The following IGSF9B variants were observed in gnomAD, a reference collection of about 807,000 sequenced individuals.
IGSF9B encodes the protein protein turtle homolog B.
Under a neutral mutation model 143.7 loss-of-function variants are expected in IGSF9B, and 48 were observed. The observed-to-expected ratio is 0.33, with a 90% CI of 0.26 to 0.42. The LOEUF (loss-of-function observed/expected upper bound fraction) is 0.42, where lower values mean the gene tolerates loss of function less well. Ranked by LOEUF, IGSF9B falls within the 20% of genes least tolerant of loss-of-function variation. The pLI, the probability that IGSF9B is intolerant of heterozygous loss-of-function variation, is 1.00. For synonymous variants in IGSF9B, 903 were observed against 833.1 expected (o/e 1.08, Z -1.44); for missense variants, 1,706 against 1,980.0 (o/e 0.86, Z 2.63).
chr11:133,929,154 G>A (rs1443335310), intron 12 of IGSF9B, among the ~76,000 whole-genome samples: 2 of 152,120 alleles, frequency 1.3e-5, no homozygotes, highest in Non-Finnish European at 2.9e-5. Context: ...AATGTTTGAG[G>A]GGTGGATACC....
intron 1 of IGSF9B, among the ~76,000 whole-genome samples, chr11:133,954,206 C>G (rs1940211401): frequency 1.3e-5 from 2 of 152,204 alleles, no homozygotes; most frequent in South Asian, 4.1e-4. Flanking sequence ...CCCGCTCTCT[C>G]CAGAGGCTGT....
chr11:133,936,878 C>T (rs1222729739), intron 5 of IGSF9B, among the ~76,000 whole-genome samples: 2 of 152,216 alleles, frequency 1.3e-5, no homozygotes, highest in Admixed American at 6.5e-5. Flanking sequence ...GTTCCTGGCC[C>T]CTCTCTGGGG....
intron 18 of IGSF9B, among the ~76,000 whole-genome samples, chr11:133,919,400 C>T (rs1403027973): frequency 2.0e-5 from 3 of 152,186 alleles, no homozygotes; most frequent in African/African-American, 4.8e-5. Flanking sequence ...CGCAGGGACT[C>T]GGAGAGCCGT....
chr11:133,926,552 A>T (rs1211957075), intron 13 of IGSF9B, among the ~76,000 whole-genome samples: 1 of 152,266 alleles, frequency 6.6e-6, no homozygotes, highest in African/African-American at 2.4e-5. Context: ...AGCGGGAGGC[A>T]GCCACATGCC....
rs1394425307 is a variant in IGSF9B, at chr11:133,945,437, C to A, written c.262+624G>T. On this transcript the variant is annotated intron_variant, in intron 2 of 19. Coordinates refer to ENST00000533871, the MANE Select transcript of IGSF9B (RefSeq NM_001277285.4). This position sits in a 1 kb window ranked among gnomAD's most constrained non-coding sequence, Gnocchi z 4.6. ...GCCTGCTTCCTCCCTTCCTTTCAAC[C>A]CCAACAACGCTCGCTCAATGACACG... Among the ~76,000 whole-genome samples the A allele has an allele frequency of 1.3e-5, 2 of 152,156 alleles. No homozygotes were observed. The highest frequency in any genetic ancestry group is 2.4e-5 in the African/African-American group (1 of 41,442).
chr11:133,925,101 A>T (rs1939600843), intron 14 of IGSF9B, among the ~76,000 whole-genome samples, 197 bp from the exon 15 acceptor site: 1 of 152,212 alleles, frequency 6.6e-6, no homozygotes, highest in Admixed American at 6.5e-5. Context: ...GCTGACTTCA[A>T]GCTACGAACG....
At position 133,897,990 on chromosome 11, in the gene IGSF9B, G is replaced by A. The variant is rs1939048047; in HGVS notation, c.*11079C>T. 6.6e-6 allele frequency: 1 copy of A among 152,152 alleles called. No individual in the cohort carries two copies. Among genetic ancestry groups the A allele is most frequent in the Non-Finnish European group, 1.5e-5 (1 of 68,064 alleles). 9.4% of individuals were successfully genotyped at this position (152,152 alleles called of 1,614,324 possible). On this transcript the variant is annotated 3_prime_UTR_variant, in exon 20 of 20. Coordinates refer to ENST00000533871, the MANE Select transcript of IGSF9B (RefSeq NM_001277285.4). ...TAAGTCACCCACCCCAAACCCCTAG[G>A]GAAAAATCAGAAAGAAGACAAAATA... is the stretch of plus-strand genomic sequence containing the variant.
rs1939186768 is a variant in IGSF9B at position 133,904,641 on chromosome 11, G to A, written c.*4428C>T. Among the ~76,000 whole-genome samples, 1 of 151,912 alleles carries A rather than the reference G, an allele frequency of 6.6e-6. No homozygotes were observed. Among genetic ancestry groups the A allele is most frequent in the Admixed American group, 6.5e-5 (1 of 15,276 alleles). ...CGTCATCTTGGGATGATCCCCCAGTGTGTACCCTGCACCCTTACAAGTAAC... is the reference window on the plus strand; with the variant it reads ...CGTCATCTTGGGATGATCCCCCAGTATGTACCCTGCACCCTTACAAGTAAC... On this transcript the variant is annotated 3_prime_UTR_variant, in exon 20 of 20. Transcript: ENST00000533871.
rs1324268301 is a variant in IGSF9B, at chr11:133,913,365, T to A, written c.3984-1358A>T. Reference sequence around the variant, plus strand: ...TAAGAGGGATAGGAAGCCTGCAGTCTCTTCTCCCCAGCATCAAATATGTTG... The same window carrying A: ...TAAGAGGGATAGGAAGCCTGCAGTCACTTCTCCCCAGCATCAAATATGTTG... On this transcript the variant is annotated intron_variant, in intron 18 of 19. Coordinates refer to ENST00000533871, the MANE Select transcript of IGSF9B (RefSeq NM_001277285.4). The surrounding 1 kb of genome is among the most constrained non-coding windows in gnomAD (Gnocchi z 4.6). 6.6e-6 allele frequency among the ~76,000 whole-genome samples: 1 copy of A among 152,066 alleles called. No homozygotes were observed. The highest frequency in any genetic ancestry group is 1.5e-5 in the Non-Finnish European group (1 of 68,002).
chr11:133,918,627 G>A (rs1939441909), intron 18 of IGSF9B, among the ~76,000 whole-genome samples: 1 of 152,140 alleles, frequency 6.6e-6, no homozygotes, highest in African/African-American at 2.4e-5. Context: ...GCGGGTGGGA[G>A]GTGACCTTGG....
chr11:133,902,857 T>C lies in IGSF9B; in HGVS notation c.*6212A>G, dbSNP rs1939160461. Among the ~76,000 whole-genome samples the C allele has an allele frequency of 6.6e-6, 1 of 152,160 alleles. No individual in the cohort carries two copies. Among genetic ancestry groups the C allele is most frequent in the African/African-American group, 2.4e-5 (1 of 41,432 alleles). On this transcript the variant is annotated 3_prime_UTR_variant, in exon 20 of 20. Transcript: ENST00000533871. Reference sequence around the variant, plus strand: ...TCCCTCCACCAGAAATACAGCTTCATAGACCACTATGCCAAAAGGAGGCCA... The same window carrying C: ...TCCCTCCACCAGAAATACAGCTTCACAGACCACTATGCCAAAAGGAGGCCA...
At chr11:133,912,339 G>C in intron 18 of IGSF9B, 1 of 497,806 alleles carries the variant, frequency 2.0e-6, no homozygotes, top group Non-Finnish European at 3.9e-6. Flanking sequence ...GTCAGAGACA[G>C]AAGTAGGCTG....
At chr11:133,921,954 C>T (rs1287591579) in intron 17 of IGSF9B, among the ~76,000 whole-genome samples, 1 of 152,142 alleles carries the variant, frequency 6.6e-6, no homozygotes, top group African/African-American at 2.4e-5. Context: ...TCTGCACTGC[C>T]ACTCCCTCTA....
intron 1 of IGSF9B, among the ~76,000 whole-genome samples, chr11:133,951,513 C>T (rs1940158741): frequency 6.6e-6 from 1 of 152,258 alleles, no homozygotes; most frequent in Non-Finnish European, 1.5e-5. Flanking sequence ...CTCGGCTGGG[C>T]TCCCCCAGCA....
intron 15 of IGSF9B, among the ~76,000 whole-genome samples, chr11:133,923,679 G>A (rs992336339): frequency 1.3e-5 from 2 of 152,254 alleles, no homozygotes; most frequent in Non-Finnish European, 2.9e-5. Context: ...TTGTCTGAGG[G>A]GAAAATGAAA....
rs1376533660 is a variant in IGSF9B, at chr11:133,922,261, G to A, written c.2282-39C>T. Reference sequence around the variant, plus strand: ...GAAGGGGAGAGGCTGCTGAGGCCAAGCCAGCAACCACGCAGCACGCGCATC... The same window carrying A: ...GAAGGGGAGAGGCTGCTGAGGCCAAACCAGCAACCACGCAGCACGCGCATC... On this transcript the variant is annotated intron_variant, in intron 16 of 19. Coordinates refer to ENST00000533871, the MANE Select transcript of IGSF9B (RefSeq NM_001277285.4). 2.5e-6 allele frequency: 4 copies of A among 1,570,702 alleles called. No individual in the cohort carries two copies. In the African/African-American group the frequency reaches 5.4e-5, roughly 21 times the overall value.
rs1227121041 is a variant in IGSF9B, at chr11:133,901,986, GACACATCAC to G, written c.*7074_*7082del. Among the ~76,000 whole-genome samples the G allele has an allele frequency of 9.1e-6, 1 of 109,892 alleles. No homozygotes were observed. The highest frequency in any genetic ancestry group is 1.8e-5 in the Non-Finnish European group (1 of 54,170). 72.1% of individuals were successfully genotyped at this position (109,892 alleles called of 152,430 possible). On this transcript the variant is annotated 3_prime_UTR_variant, in exon 20 of 20. Transcript: ENST00000533871. ...CACCGCATCACACACATGCACACCAGACACATCACACACACACACACACCAGACATACAC... is the reference window on the plus strand; with the variant it reads ...CACCGCATCACACACATGCACACCAGACACACACACACACCAGACATACAC...
At position 133,920,104 on chromosome 11, in the gene IGSF9B, G is replaced by T. The variant is rs775107940; in HGVS notation, c.3621C>A (p.Ser1207Arg). The T allele has an allele frequency of 1.3e-6, 2 of 1,519,804 alleles. No homozygotes were observed. The highest frequency in any genetic ancestry group is 8.8e-7 in the Non-Finnish European group (1 of 1,134,314). The allele number at this position is 1,519,804 out of a possible 1,614,324, so 94.1% of individuals were successfully genotyped here. ...GGGAGCCGGTGCGGGAGCTGAGGGG[G>T]CTTTGGGTCAGAGGTGAGAGCCGGG... ...QPSRLSPLTQ[S>R]PLSSRTGSPE... Residue 1207 changes from serine (S) to arginine (R), a missense_variant, in exon 18 of 20, where the codon AGC becomes AGA. Around this residue, in one of 7 missense-constraint regions of IGSF9B, gnomAD observed 880 missense variants for 762.9 expected, o/e 1.15. Transcript: ENST00000533871.
intron 1 of IGSF9B, among the ~76,000 whole-genome samples, chr11:133,946,867 G>A (rs886935633): frequency 7.9e-5 from 12 of 152,130 alleles, no homozygotes; most frequent in African/African-American, 2.7e-4. Context: ...GAGGCTGCTC[G>A]TGGCAACACC....
Sources: gnomAD v4.1 joint callset for allele counts (sites outside exome capture counted in the v4.1 genomes callset) on GRCh38, gnomAD v4.1.1 for gene constraint, gnomAD v4.1.1 regional missense constraint, Gnocchi (gnomAD v3.1) non-coding constraint, MANE v1.5 for transcripts, NCBI Gene and HGNC (gene_info 2026-07-23, HGNC 2026-07-21) for gene names.